Variants in MAP2 observed in about 807,000 individuals in gnomAD.
MAP2 encodes microtubule associated protein 2.
In MAP2, 14 loss-of-function variants were observed where a neutral mutation model predicts 137.6. The observed-to-expected ratio is 0.10, with a 90% CI of 0.07 to 0.16. MAP2 has a LOEUF of 0.16. MAP2 is among the 10% of genes least tolerant of loss of function. The pLI is 1.00. For synonymous variants in MAP2, 786 were observed against 782.3 expected (o/e 1.00, Z -0.08); for missense variants, 2,088 against 2,191.5 (o/e 0.95, Z 0.94).
chr2:209,676,698 A>G (rs2051692864), intron 5 of MAP2, among the ~76,000 whole-genome samples: 1 of 138,784 alleles, frequency 7.2e-6, no homozygotes, highest in African/African-American at 2.7e-5. Flanking sequence ...AGATGCAGGA[A>G]TGATCCAGAA....
chr2:209,665,961 C>G (rs955780585), intron 5 of MAP2, among the ~76,000 whole-genome samples: 1 of 152,164 alleles, frequency 6.6e-6, no homozygotes, highest in Non-Finnish European at 1.5e-5. Flanking sequence ...AAGGAGGAAA[C>G]TAATAGTAGT....
At chr2:209,635,038 A>G (rs942829864) in intron 4 of MAP2, among the ~76,000 whole-genome samples, 1 of 152,132 alleles carries the variant, frequency 6.6e-6, no homozygotes, top group Non-Finnish European at 1.5e-5. Flanking sequence ...AAGAAGCTTG[A>G]GAGAGCTATG....
At chr2:209,659,164 G>A (rs1195325896) in intron 5 of MAP2, among the ~76,000 whole-genome samples, 1 of 152,020 alleles carries the variant, frequency 6.6e-6, no homozygotes, top group Non-Finnish European at 1.5e-5. Flanking sequence ...GAAGTGGTAT[G>A]GATTTTTTTT....
At chr2:209,639,978 A>G (rs1003107486) in intron 4 of MAP2, among the ~76,000 whole-genome samples, 4 of 152,090 alleles carry the variant, frequency 2.6e-5, no homozygotes, top group African/African-American at 9.7e-5. Context: ...GAAGATGCTC[A>G]TTTTGGTATC....
intron 1 of MAP2, among the ~76,000 whole-genome samples, chr2:209,431,594 A>G (rs1318355767): frequency 6.6e-6 from 1 of 152,168 alleles, no homozygotes; most frequent in African/African-American, 2.4e-5. Context: ...GTAAACTGGG[A>G]CAGTGACCAT....
intron 3 of MAP2, among the ~76,000 whole-genome samples, chr2:209,614,024 A>G (rs143601960): frequency 6.6e-6 from 1 of 152,278 alleles, no homozygotes; most frequent in African/African-American, 2.4e-5. Context: ...AATTATAGAC[A>G]TTAAGTGGCT....
chr2:209,606,824 G>A lies in MAP2; in HGVS notation c.-106-18229G>A, dbSNP rs555007744. ...ATTTTCATTTAAAGGAACAATAACC[G>A]CAGAAAGTCAAAAGCTAACTCAAGT... On this transcript the variant is annotated intron_variant, in intron 3 of 15. Transcript: ENST00000682079. 4.4e-4 allele frequency among the ~76,000 whole-genome samples: 67 copies of A among 152,174 alleles called. No homozygotes were observed. The South Asian group carries it at 7.0e-3, about 16-fold the overall frequency.
At chr2:209,608,685 T>G (rs1448555171) in intron 3 of MAP2, among the ~76,000 whole-genome samples, 2 of 152,162 alleles carry the variant, frequency 1.3e-5, no homozygotes, top group African/African-American at 4.8e-5. Context: ...ACACAACTAA[T>G]TATATCTTAG....
At chr2:209,496,870 A>C (rs2059808684) in intron 1 of MAP2, among the ~76,000 whole-genome samples, 1 of 151,990 alleles carries the variant, frequency 6.6e-6, no homozygotes, top group Admixed American at 6.6e-5. Context: ...ATCATAGCTC[A>C]CTGTAACCTC....
At position 209,725,775 on chromosome 2, in the gene MAP2, A is replaced by G. The variant is rs1437904181; in HGVS notation, c.5140A>G (p.Ile1714Val). ...VTSKCGSLKNIRHRPGGGRVK... is the reference protein window; with the variant it reads ...VTSKCGSLKNVRHRPGGGRVK... ...ATCCAAATGTGGCTCTCTGAAGAAC[A>G]TCCGCCACAGGCCAGGTAAATAAAT... The change falls in exon 14 of 16, where the codon ATC becomes GTC. Residue 1714 changes from isoleucine (I) to valine (V), a missense_variant. Physicochemically the swap from Ile to Val is conservative, Grantham distance 29 (BLOSUM62 3). This residue lies in a region of MAP2 where 112 missense variants were observed against 201.0 expected (regional missense o/e 0.56). Coordinates refer to ENST00000682079, the MANE Select transcript of MAP2 (RefSeq NM_001375505.1). 1.2e-6 allele frequency: 2 copies of G among 1,600,204 alleles called. No homozygotes were observed. The highest frequency in any genetic ancestry group is 1.3e-5 in the African/African-American group (1 of 74,352).
intron 1 of MAP2, among the ~76,000 whole-genome samples, chr2:209,467,368 C>T (rs1428351312): frequency 1.3e-5 from 2 of 152,112 alleles, no homozygotes; most frequent in Non-Finnish European, 2.9e-5. Flanking sequence ...TCATTTCTAA[C>T]GTCTACCCAA....
Position 209,666,676 on chromosome 2 carries a change from T to C in MAP2, c.263-11896T>C, listed in dbSNP as rs377354007. Among the ~76,000 whole-genome samples the C allele has an allele frequency of 1.9e-4, 29 of 152,164 alleles. No individual in the cohort carries two copies. In the East Asian group the frequency reaches 4.2e-3, roughly 22 times the overall value. ...CTAGTTGGATTTCACTCTTTAAGGGTGAACTTAAATTACTCTAGCTGACTA... is the reference window on the plus strand; with the variant it reads ...CTAGTTGGATTTCACTCTTTAAGGGCGAACTTAAATTACTCTAGCTGACTA... On this transcript the variant is annotated intron_variant, in intron 5 of 15. Coordinates refer to ENST00000682079, the MANE Select transcript of MAP2 (RefSeq NM_001375505.1).
intron 3 of MAP2, among the ~76,000 whole-genome samples, chr2:209,614,359 G>T (rs1355247420): frequency 6.6e-6 from 1 of 151,994 alleles, no homozygotes; most frequent in Non-Finnish European, 1.5e-5. Context: ...TTCTTCCTTT[G>T]CCTCCTATTT....
At chr2:209,551,349 C>A (rs2069130585) in intron 2 of MAP2, among the ~76,000 whole-genome samples, 1 of 152,122 alleles carries the variant, frequency 6.6e-6, no homozygotes, top group African/African-American at 2.4e-5. Flanking sequence ...CTTCATCTAT[C>A]AATTTCCATT....
In MAP2 at chr2:209,693,832, A is replaced by G; in HGVS notation, c.1662A>G (p.Thr554=). The G allele has an allele frequency of 3.1e-6, 5 of 1,614,050 alleles. No homozygotes were observed. Among genetic ancestry groups the G allele is most frequent in the Non-Finnish European group, 4.2e-6 (5 of 1,179,968 alleles). Residue 554 remains threonine (T), a synonymous_variant, in exon 8 of 16, where the codon ACA becomes ACG. Transcript: ENST00000682079. ...AGATTGAAGGAGTTGGAGCTGCAAC[A>G]TCAGCTGAGCTTGATATGCCATTTT... The part of the protein sequence containing the change: ...KDKIEGVGAA[T]SAELDMPFYE...
At chr2:209,457,959 A>G (rs1178757779) in intron 1 of MAP2, among the ~76,000 whole-genome samples, 2 of 152,128 alleles carry the variant, frequency 1.3e-5, no homozygotes, top group East Asian at 3.9e-4. Context: ...GTGTGTTTTT[A>G]TCTTGATTTT....
Position 209,730,113 on chromosome 2 carries a change from A to G in MAP2, c.5269-69A>G, listed in dbSNP as rs2075554298. ...AGAAGTCATTAATGTCAGCCCTGGG[A>G]GATGGAGAAAGAGGTAGGGGCCAGT... On this transcript the variant is annotated intron_variant, in intron 15 of 15. Transcript: ENST00000682079. 6.1e-6 allele frequency: 8 copies of G among 1,311,812 alleles called. No individual in the cohort carries two copies. The South Asian group carries it at 9.8e-5, about 16-fold the overall frequency. The allele number at this position is 1,311,812 out of a possible 1,614,324, so 81.3% of individuals were successfully genotyped here.
At chr2:209,554,876 T>C (rs1357808601) in intron 2 of MAP2, among the ~76,000 whole-genome samples, 1 of 148,358 alleles carries the variant, frequency 6.7e-6, no homozygotes, top group Non-Finnish European at 1.5e-5. Flanking sequence ...ATAAATATTA[T>C]ATATATATAA....
At chr2:209,434,922 A>ATATATATATGTTATATATATGT (rs1559157662) in intron 1 of MAP2, among the ~76,000 whole-genome samples, 15 of 133,736 alleles carry the variant, frequency 1.1e-4, no homozygotes, top group African/African-American at 4.8e-4. Context: ...TATATATGTT[A>ATATATATATGTTATATATATGT]TATATATATG....
Sources: allele counts gnomAD v4.1 joint callset (sites outside exome capture counted in the v4.1 genomes callset), GRCh38; gene constraint gnomAD v4.1.1; regional missense constraint gnomAD v4.1.1; transcripts MANE v1.5; gene names NCBI Gene and HGNC (gene_info 2026-07-23, HGNC 2026-07-21).